MYO7A: variants seen among roughly 807,000 people sequenced by gnomAD.
The protein encoded by MYO7A is unconventional myosin-VIIa.
In MYO7A, 210 loss-of-function variants were observed where a neutral mutation model predicts 263.8. The observed-to-expected ratio is 0.80, with a 90% CI of 0.71 to 0.89. The LOEUF (loss-of-function observed/expected upper bound fraction) is 0.89, where lower values mean the gene tolerates loss of function less well. MYO7A is among the 40% of genes least tolerant of loss of function. The pLI is 0.00. For synonymous variants in MYO7A, 1,239 were observed against 1,197.3 expected (o/e 1.03, Z -0.72); for missense variants, 2,820 against 2,968.3 (o/e 0.95, Z 1.16).
chr11:77,181,992 G>C lies in MYO7A; in HGVS notation c.2946G>C (p.Leu982=). 1 of 1,613,196 alleles carries C rather than the reference G, an allele frequency of 6.2e-7. No homozygotes were observed. The change falls in exon 24 of 49, where the codon CTG becomes CTC. Residue 982 remains leucine, a synonymous_variant. Coordinates refer to ENST00000409709, the MANE Select transcript of MYO7A (RefSeq NM_000260.4). ...GGAGGGAGATGGTGGAGGAGGACCT[G>C]GATGCAGCCCTGCCCCTGCCTGACG... ...RGRREMVEED[L]DAALPLPDED...
chr11:77,196,622 C>G (rs1289076483), intron 32 of MYO7A, among the ~76,000 whole-genome samples: 1 of 152,170 alleles, frequency 6.6e-6, no homozygotes, highest in East Asian at 1.9e-4. Flanking sequence ...AGTGATTTGT[C>G]TCTCTGCCTA....
chr11:77,180,713 G>T (rs1591375271), intron 22 of MYO7A, among the ~76,000 whole-genome samples: 1 of 152,342 alleles, frequency 6.6e-6, no homozygotes, highest in Admixed American at 6.5e-5. Flanking sequence ...CAGGCCCTCA[G>T]CAGCCCCTTT....
Position 77,164,271 on chromosome 11 carries a change from G to A in MYO7A, c.1690+1283G>A, listed in dbSNP as rs1420946841. Among the ~76,000 whole-genome samples, 28 of 150,316 alleles carry A rather than the reference G, an allele frequency of 1.9e-4. 1 individual carries two copies. Among genetic ancestry groups the A allele is most frequent in the Non-Finnish European group, 4.4e-5 (3 of 67,646 alleles). On this transcript the variant is annotated intron_variant, in intron 14 of 48. Coordinates refer to ENST00000409709, the MANE Select transcript of MYO7A (RefSeq NM_000260.4). ...CCTCCCCACCCACCCTGGTGTAAAG[G>A]GCCAACCACAAATTGGCATTAGTTA... is the stretch of plus-strand genomic sequence containing the variant.
intron 11 of MYO7A, among the ~76,000 whole-genome samples, chr11:77,160,604 C>T (rs1420733258): frequency 1.3e-5 from 2 of 152,158 alleles, no homozygotes; most frequent in South Asian, 2.1e-4. Flanking sequence ...TACAACCACA[C>T]GTTTGCCATT....
At position 77,138,176 on chromosome 11, in the gene MYO7A, G is replaced by A. The variant is rs934515157; in HGVS notation, c.19-4533G>A. Among the ~76,000 whole-genome samples, 10 of 152,136 alleles carry A rather than the reference G, an allele frequency of 6.6e-5. No individual in the cohort carries two copies. Among genetic ancestry groups the A allele is most frequent in the Non-Finnish European group, 1.0e-4 (7 of 67,948 alleles). Reference sequence around the variant, plus strand: ...CGGGCGCCCCCTCGCCGTCCCGCCCGCGGGCGTCACCTAAGCCGCCGTTGC... The same window carrying A: ...CGGGCGCCCCCTCGCCGTCCCGCCCACGGGCGTCACCTAAGCCGCCGTTGC... On this transcript the variant is annotated intron_variant, in intron 2 of 48. Coordinates refer to ENST00000409709, the MANE Select transcript of MYO7A (RefSeq NM_000260.4). The surrounding 1 kb of genome is among the most constrained non-coding windows in gnomAD (Gnocchi z 4.9).
At position 77,165,641 on chromosome 11, in the gene MYO7A, A is replaced by G. The variant is rs142231340; in HGVS notation, c.1691-415A>G. Reference sequence around the variant, plus strand: ...TTCATAAAACATAACACACTGTCCAACCACAAGGTGGTTTTAATGAATTCC... The same window carrying G: ...TTCATAAAACATAACACACTGTCCAGCCACAAGGTGGTTTTAATGAATTCC... On this transcript the variant is annotated intron_variant, in intron 14 of 48. Transcript: ENST00000409709. 1.3e-3 allele frequency among the ~76,000 whole-genome samples: 204 copies of G among 152,306 alleles called. 1 individual carries two copies. The highest frequency in any genetic ancestry group is 6.4e-3 in the East Asian group (33 of 5,188).
At chr11:77,133,939 T>G (rs1555046709) in intron 2 of MYO7A, among the ~76,000 whole-genome samples, 1 of 152,142 alleles carries the variant, frequency 6.6e-6, no homozygotes, top group African/African-American at 2.4e-5. Flanking sequence ...AAATAACATC[T>G]TTTTTTTGAG....
At chr11:77,150,215 C>T (rs141811864) in intron 4 of MYO7A, among the ~76,000 whole-genome samples, 28 of 152,320 alleles carry the variant, frequency 1.8e-4, no homozygotes, top group Non-Finnish European at 3.2e-4. Flanking sequence ...AGTTTTCCCG[C>T]CGGGCCCCCT....
At position 77,179,769 on chromosome 11, in the gene MYO7A, A is replaced by C. The variant is rs1241891051; in HGVS notation, c.2402A>C (p.His801Pro). The C allele has an allele frequency of 4.1e-5, 63 of 1,550,536 alleles. No homozygotes were observed. The highest frequency in any genetic ancestry group is 5.3e-5 in the Non-Finnish European group (61 of 1,149,518). ...GGCTTCCTGCGGCTGCAGGCCCTGC[A>C]CCGCTCCCGGAAGCTGCACCAGCAG... ...RLGFLRLQAL[H>P]RSRKLHQQYR... The change falls in exon 21 of 49, where the codon CAC (histidine) becomes CCC (proline). Residue 801 changes from histidine to proline, a missense_variant. His to Pro is a moderately conservative substitution (Grantham distance 77). Coordinates refer to ENST00000409709, the MANE Select transcript of MYO7A (RefSeq NM_000260.4).
At chr11:77,197,284 A>G (rs1183233673) in intron 32 of MYO7A, among the ~76,000 whole-genome samples, 197 bp from the exon 33 acceptor site, 1 of 152,214 alleles carries the variant, frequency 6.6e-6, no homozygotes, top group Non-Finnish European at 1.5e-5. Flanking sequence ...CTGGCACTCA[A>G]AAGTGCTCGC....
At chr11:77,162,096 TA>T in intron 12 of MYO7A, 23 bp from the exon 13 acceptor site, 1 of 1,575,104 alleles carries the variant, frequency 6.3e-7, no homozygotes, top group Non-Finnish European at 8.6e-7. Context: ...ACAACACCCT[TA>T]CCCCATCCCT....
At chr11:77,172,655 G>GCTGACCTCCC in intron 15 of MYO7A, 93 bp from the exon 16 acceptor site, 1 of 1,499,174 alleles carries the variant, frequency 6.7e-7, no homozygotes, top group Non-Finnish European at 9.0e-7. Context: ...CCCTGACCCC[G>GCTGACCTCCC]CTGACCTCCC....
intron 3 of MYO7A, among the ~76,000 whole-genome samples, chr11:77,143,857 C>A (rs1555052227): frequency 6.6e-6 from 1 of 152,124 alleles, no homozygotes; most frequent in Non-Finnish European, 1.5e-5. Context: ...GGGCTCAGGA[C>A]CCTCGAGGCC....
In MYO7A at chr11:77,175,459, C is replaced by A; in HGVS notation, c.2182C>A (p.Leu728Met). Residue 728 changes from leucine to methionine, a missense_variant, in exon 18 of 49, where the codon CTG becomes ATG. Coordinates refer to ENST00000409709, the MANE Select transcript of MYO7A (RefSeq NM_000260.4). Reference protein sequence around the residue: ...DWQIGKTKIFLKDHHDMLLEV... With the variant: ...DWQIGKTKIFMKDHHDMLLEV... ...GCAGATAGGCAAAACCAAGATCTTT[C>A]TGAAGGTGAGCACAGATGCCTTCCC... is the stretch of plus-strand genomic sequence containing the variant. The A allele has an allele frequency of 6.2e-7, 1 of 1,613,194 alleles. No homozygotes were observed. Among genetic ancestry groups the A allele is most frequent in the South Asian group, 1.1e-5 (1 of 91,082 alleles).
Position 77,214,771 on chromosome 11 carries a change from C to A in MYO7A, c.*75C>A. The A allele has an allele frequency of 2.4e-6, 3 of 1,240,648 alleles. No individual in the cohort carries two copies. The highest frequency in any genetic ancestry group is 1.4e-5 in the South Asian group (1 of 73,532). The allele number at this position is 1,240,648 out of a possible 1,614,324, so 76.9% of individuals were successfully genotyped here. ...GGTTCAGGCCCATCAGCTACCCCTGCAGCTGGGGAAGACTTATGCCATCCC... is the reference window on the plus strand; with the variant it reads ...GGTTCAGGCCCATCAGCTACCCCTGAAGCTGGGGAAGACTTATGCCATCCC... On this transcript the variant is annotated 3_prime_UTR_variant, in exon 49 of 49. Transcript: ENST00000409709.
At chr11:77,130,358 A>G (rs1950733139) in intron 1 of MYO7A, among the ~76,000 whole-genome samples, 2 of 152,220 alleles carry the variant, frequency 1.3e-5, no homozygotes, top group African/African-American at 4.8e-5. Flanking sequence ...GGAATCTCTG[A>G]ATGACAGTGG....
chr11:77,210,052 A>G (rs1565486219), intron 44 of MYO7A, among the ~76,000 whole-genome samples: 2 of 152,330 alleles, frequency 1.3e-5, no homozygotes, highest in South Asian at 4.1e-4. Context: ...TCAGTCAGCC[A>G]TTTTATCTTA....
At chr11:77,189,267 T>C in intron 27 of MYO7A, 77 bp from the exon 28 acceptor site, 1 of 1,585,686 alleles carries the variant, frequency 6.3e-7, no homozygotes, top group Non-Finnish European at 8.6e-7. Flanking sequence ...GGCGTCCCAC[T>C]GGCTGCTAGG....
chr11:77,182,915 G>A (rs1233559602), intron 25 of MYO7A, 153 bp from the exon 26 acceptor site: 8 of 759,150 alleles, frequency 1.1e-5, no homozygotes, highest in African/African-American at 3.4e-5. Context: ...GGGGGTGCAA[G>A]GGTAGGGGTG....
Sources: allele counts gnomAD v4.1 joint callset (sites outside exome capture counted in the v4.1 genomes callset), GRCh38; gene constraint gnomAD v4.1.1; non-coding constraint Gnocchi (gnomAD v3.1); transcripts MANE v1.5; gene names NCBI Gene and HGNC (gene_info 2026-07-23, HGNC 2026-07-21).